CCDC146: variants seen among roughly 807,000 people sequenced by gnomAD.
CCDC146 encodes coiled-coil domain-containing protein 146.
CCDC146 carries 92 observed loss-of-function variants against 119.3 expected under a neutral mutation model. The ratio of observed to expected loss-of-function variants is 0.77; its 90% CI spans 0.65 to 0.92. The LOEUF is 0.92. Ranked by LOEUF, CCDC146 falls within the 40% of genes least tolerant of loss-of-function variation. The probability of loss-of-function intolerance (pLI) is 0.00; values close to 1 mark genes in which losing one functional copy is unlikely to be tolerated. For missense variants in CCDC146, 1,000 were observed against 1,103.0 expected (o/e 0.91, Z 1.32); for synonymous variants, 372 against 371.8 (o/e 1.00, Z -0.01).
chr7:77,130,914 C>T (rs1227915929), intron 1 of CCDC146, among the ~76,000 whole-genome samples: 6 of 147,394 alleles, frequency 4.1e-5, no homozygotes, highest in African/African-American at 7.6e-5. Flanking sequence ...TTTTTTTAAA[C>T]GGAGTCTCAC....
At position 77,155,544 on chromosome 7, in the gene CCDC146, C is replaced by T. The variant is rs548219845; in HGVS notation, c.-11-12114C>T. Among the ~76,000 whole-genome samples, 727 of 151,712 alleles carry T rather than the reference C, an allele frequency of 4.8e-3. 8 individuals carry two copies. Among genetic ancestry groups the T allele is most frequent in the African/African-American group, 0.016 (679 of 41,258 alleles). Reference sequence around the variant, plus strand: ...TAGGAAAGAGTGAGGGATTTGGAGCCAGGTGACATGGGTTTAAATAAATAC... The same window carrying T: ...TAGGAAAGAGTGAGGGATTTGGAGCTAGGTGACATGGGTTTAAATAAATAC... On this transcript the variant is annotated intron_variant, in intron 1 of 18. Transcript: ENST00000285871.
At chr7:77,286,401 G>A (rs1368104868) in intron 15 of CCDC146, among the ~76,000 whole-genome samples, 1 of 152,078 alleles carries the variant, frequency 6.6e-6, no homozygotes, top group Admixed American at 6.5e-5. Flanking sequence ...CACCAACGTT[G>A]GGGATTATAT....
At chr7:77,259,729 C>T (rs1480579377) in intron 7 of CCDC146, among the ~76,000 whole-genome samples, 2 of 152,112 alleles carry the variant, frequency 1.3e-5, no homozygotes, top group Non-Finnish European at 2.9e-5. Flanking sequence ...GGTTGAATCA[C>T]AGGAGATGGT....
chr7:77,173,500 A>G (rs1436577777), intron 2 of CCDC146, among the ~76,000 whole-genome samples: 2 of 151,918 alleles, frequency 1.3e-5, no homozygotes, highest in South Asian at 2.1e-4. Flanking sequence ...GTGGTGGTGC[A>G]TGCCTGTAAT....
At chr7:77,189,924 C>G (rs189165377) in intron 2 of CCDC146, among the ~76,000 whole-genome samples, 13 of 152,264 alleles carry the variant, frequency 8.5e-5, no homozygotes, top group Non-Finnish European at 1.5e-5. Context: ...TACTCCCTTA[C>G]TCTCCTTAAT....
chr7:77,171,596 T>C (rs1791422597), intron 2 of CCDC146, among the ~76,000 whole-genome samples: 1 of 152,200 alleles, frequency 6.6e-6, no homozygotes, highest in Non-Finnish European at 1.5e-5. Flanking sequence ...ATTTCTTCTG[T>C]TTCATGCGTT....
At chr7:77,277,935 A>G (rs1208526208) in intron 11 of CCDC146, among the ~76,000 whole-genome samples, 1 of 152,224 alleles carries the variant, frequency 6.6e-6, no homozygotes, top group East Asian at 1.9e-4. Context: ...TAACTAGTGT[A>G]TTTAGCACTT....
intron 1 of CCDC146, among the ~76,000 whole-genome samples, chr7:77,166,096 C>T (rs1791334385): frequency 1.3e-5 from 2 of 152,046 alleles, no homozygotes; most frequent in African/African-American, 2.4e-5. Flanking sequence ...TGCATATAAG[C>T]AAGTGTTCTG....
chr7:77,175,904 T>C (rs1791492666), intron 2 of CCDC146, among the ~76,000 whole-genome samples: 1 of 151,198 alleles, frequency 6.6e-6, no homozygotes, highest in Non-Finnish European at 1.5e-5. Flanking sequence ...GAAGCATTAT[T>C]TGTGAACAAG....
At chr7:77,204,171 C>A (rs1014036511) in intron 2 of CCDC146, among the ~76,000 whole-genome samples, 2 of 151,942 alleles carry the variant, frequency 1.3e-5, no homozygotes, top group African/African-American at 4.8e-5. Context: ...AACTCAGGAA[C>A]CTTTAATTGT....
chr7:77,259,127 G>GAACAA lies in CCDC146; in HGVS notation c.758+60_758+64dup, dbSNP rs905995059. Reference sequence around the variant, plus strand: ...CAGTCCAAGTTATGTGTGCACACTAGAACAAGAGTACTAACCATTGGACAC... The same window carrying GAACAA: ...CAGTCCAAGTTATGTGTGCACACTAGAACAAAACAAGAGTACTAACCATTGGACAC... On this transcript the variant is annotated intron_variant, in intron 7 of 18. Transcript: ENST00000285871. The GAACAA allele has an allele frequency of 3.1e-6, 3 of 969,694 alleles. No individual in the cohort carries two copies. The Admixed American group carries it at 6.9e-5, about 22-fold the overall frequency. The allele number at this position is 969,694 out of a possible 1,614,324, so 60.1% of individuals were successfully genotyped here. A position where few individuals can be genotyped will look rare whatever the true frequency, so the allele number is the denominator to read the frequency against.
At chr7:77,183,138 G>T (rs542859621) in intron 2 of CCDC146, among the ~76,000 whole-genome samples, 1 of 151,976 alleles carries the variant, frequency 6.6e-6, no homozygotes, top group African/African-American at 2.4e-5. Flanking sequence ...CACAACAGAC[G>T]CCTCTCCCAC....
chr7:77,254,550 T>C lies in CCDC146; in HGVS notation c.494T>C (p.Ile165Thr). Residue 165 changes from isoleucine to threonine, a missense_variant, in exon 5 of 19, where the codon ATA (isoleucine) becomes ACA (threonine). Physicochemically the swap from Ile to Thr is moderately conservative, Grantham distance 89. Coordinates refer to ENST00000285871, the MANE Select transcript of CCDC146 (RefSeq NM_020879.3). Reference sequence around the variant, plus strand: ...ATCATAGTAAAAGAATTTGAGAAGATAACAAAGCCAGGAGTAAGTCTTAGA... The same window carrying C: ...ATCATAGTAAAAGAATTTGAGAAGACAACAAAGCCAGGAGTAAGTCTTAGA... ...KIIIVKEFEK[I>T]TKPGEMEKKM... 3.3e-6 allele frequency: 5 copies of C among 1,536,206 alleles called. No homozygotes were observed. The highest frequency in any genetic ancestry group is 1.1e-5 in the South Asian group (1 of 87,414).
At chr7:77,267,527 T>A (rs1229366811) in intron 9 of CCDC146, among the ~76,000 whole-genome samples, 6 of 1,018 alleles carry the variant, frequency 5.9e-3, no homozygotes, top group African/African-American at 0.031. Context: ...GACTTGATCT[T>A]TTTTTTTTTT....
chr7:77,264,706 A>G (rs980605087), intron 9 of CCDC146, among the ~76,000 whole-genome samples: 1 of 152,106 alleles, frequency 6.6e-6, no homozygotes, highest in African/African-American at 2.4e-5. Context: ...TTGTGGATAT[A>G]TTTGTCCTTA....
intron 2 of CCDC146, chr7:77,195,631 G>A (rs1300773541): frequency 1.3e-5 from 2 of 152,004 alleles, no homozygotes; most frequent in African/African-American, 4.8e-5. Context: ...AGATTACTTT[G>A]TGTAGAATCC....
chr7:77,263,108 G>A (rs1277207374), intron 9 of CCDC146, among the ~76,000 whole-genome samples: 1 of 152,190 alleles, frequency 6.6e-6, no homozygotes, highest in African/African-American at 2.4e-5. Context: ...TTGAACAGGA[G>A]TTTCCAGCTG....
chr7:77,188,218 G>T (rs940955830), intron 2 of CCDC146, among the ~76,000 whole-genome samples: 3 of 152,042 alleles, frequency 2.0e-5, no homozygotes, highest in Non-Finnish European at 4.4e-5. Flanking sequence ...TTTAATTCGG[G>T]TGAAGTTTTT....
At chr7:77,198,055 C>A in intron 2 of CCDC146, 1 of 846,392 alleles carries the variant, frequency 1.2e-6, no homozygotes, top group Non-Finnish European at 1.4e-6. Context: ...GAAAAATAGA[C>A]AATAGTCTTC....
Sources: gnomAD v4.1 joint callset for allele counts (sites outside exome capture counted in the v4.1 genomes callset) on GRCh38, gnomAD v4.1.1 for gene constraint, MANE v1.5 for transcripts, NCBI Gene and HGNC (gene_info 2026-07-23, HGNC 2026-07-21) for gene names.